The following PDE4D variants were observed in gnomAD, a reference collection of about 807,000 sequenced individuals.
The protein encoded by PDE4D is phosphodiesterase 4D.
A neutral mutation model predicts 87.4 loss-of-function variants in PDE4D; 24 were observed. The ratio of observed to expected loss-of-function variants is 0.27; its 90% confidence interval spans 0.20 to 0.39. PDE4D has a LOEUF of 0.39. Ranked by LOEUF, PDE4D falls within the 10% of genes least tolerant of loss-of-function variation. The probability of loss-of-function intolerance (pLI) is 1.00; values close to 1 mark genes in which losing one functional copy is unlikely to be tolerated. For missense variants in PDE4D, 714 were observed against 1,041.0 expected, an observed-to-expected ratio of 0.69 and a Z score of 4.32; for synonymous variants, 384 against 383.2, an observed-to-expected ratio of 1.00 and a Z score of -0.02.
chr5:60,460,593 A>G (rs1001127702), intron 1 of PDE4D: 87 of 1,284,334 alleles, frequency 6.8e-5, no homozygotes, highest in Non-Finnish European at 9.2e-5. Context: ...TTTGTACTTC[A>G]TCAATGCATT....
chr5:60,463,420 A>G (rs1289551894), intron 1 of PDE4D, among the ~76,000 whole-genome samples: 7 of 152,114 alleles, frequency 4.6e-5, no homozygotes, highest in Non-Finnish European at 1.0e-4. Flanking sequence ...AGCCAGTGCT[A>G]CTGTTCACCA....
At chr5:59,970,613 C>G (rs990565209) in intron 3 of PDE4D, among the ~76,000 whole-genome samples, 1 of 151,172 alleles carries the variant, frequency 6.6e-6, no homozygotes, top group African/African-American at 2.4e-5. Flanking sequence ...AAAATGCTCA[C>G]CATCACTGGC....
intron 5 of PDE4D, among the ~76,000 whole-genome samples, chr5:59,178,131 T>C (rs1453223355): frequency 6.6e-6 from 1 of 152,118 alleles, no homozygotes; most frequent in Non-Finnish European, 1.5e-5. Flanking sequence ...TTATTATTAC[T>C]AGCACTGAGG....
chr5:59,063,691 A>C (rs1763476144), intron 5 of PDE4D, among the ~76,000 whole-genome samples: 1 of 152,182 alleles, frequency 6.6e-6, no homozygotes, highest in East Asian at 1.9e-4. Context: ...AGTTGACCAA[A>C]GCATTCTAAC....
chr5:59,787,956 T>A (rs1765352399), intron 1 of PDE4D, among the ~76,000 whole-genome samples: 1 of 152,082 alleles, frequency 6.6e-6, no homozygotes, highest in Non-Finnish European at 1.5e-5. Context: ...ATATATTGAG[T>A]GACATATAAG....
intron 2 of PDE4D, among the ~76,000 whole-genome samples, chr5:60,039,864 A>G (rs1241824402): frequency 6.6e-6 from 1 of 152,058 alleles, no homozygotes; most frequent in Non-Finnish European, 1.5e-5. Context: ...TTGAAGAGCA[A>G]AAAATAAACA....
intron 1 of PDE4D, among the ~76,000 whole-genome samples, chr5:59,852,696 C>T (rs796528822): frequency 6.6e-5 from 10 of 152,100 alleles, no homozygotes; most frequent in African/African-American, 2.4e-4. Flanking sequence ...TTGTTTTAAG[C>T]TGCTAAATTT....
intron 1 of PDE4D, among the ~76,000 whole-genome samples, chr5:59,224,426 C>A (rs999146790): frequency 6.6e-6 from 1 of 151,828 alleles, no homozygotes; most frequent in African/African-American, 2.4e-5. Context: ...AGTGACACTC[C>A]CAAGTAACAC....
At chr5:59,791,096 G>A (rs903861566) in intron 1 of PDE4D, among the ~76,000 whole-genome samples, 1 of 152,198 alleles carries the variant, frequency 6.6e-6, no homozygotes, top group Non-Finnish European at 1.5e-5. Context: ...CAGCATCACA[G>A]AAAAATCTGC....
intron 3 of PDE4D, chr5:59,987,797 T>C (rs542687670): frequency 1.2e-4 from 18 of 152,326 alleles, no homozygotes; most frequent in Admixed American, 3.9e-4. Flanking sequence ...TCTTTCACAA[T>C]TTTTAAACTG....
chr5:60,072,093 C>T (rs1221807840), intron 2 of PDE4D, among the ~76,000 whole-genome samples: 1 of 152,140 alleles, frequency 6.6e-6, no homozygotes, highest in African/African-American at 2.4e-5. Flanking sequence ...GAGGAATTGC[C>T]ACACTACTTT....
chr5:59,869,985 T>A (rs1052901913), intron 1 of PDE4D, among the ~76,000 whole-genome samples: 18 of 152,202 alleles, frequency 1.2e-4, no homozygotes, highest in Admixed American at 1.1e-3. Context: ...TAGCCTTGGC[T>A]TCTAATAAAA....
At chr5:59,318,932 T>TA (rs899021350) in intron 1 of PDE4D, among the ~76,000 whole-genome samples, 5 of 151,792 alleles carry the variant, frequency 3.3e-5, no homozygotes, top group South Asian at 2.1e-4. Flanking sequence ...TTTATCTTAA[T>TA]AAAAAAAAGA....
intron 3 of PDE4D, among the ~76,000 whole-genome samples, chr5:59,949,170 G>A (rs1044438450): frequency 2.0e-5 from 3 of 152,200 alleles, no homozygotes; most frequent in African/African-American, 4.8e-5. Flanking sequence ...GGTGGCTCAT[G>A]CCTGTAATCC....
At chr5:59,820,696 A>G (rs1166599544) in intron 1 of PDE4D, among the ~76,000 whole-genome samples, 1 of 152,244 alleles carries the variant, frequency 6.6e-6, no homozygotes, top group Non-Finnish European at 1.5e-5. Context: ...TTGCAAAAAA[A>G]TGAAAGAAAA....
intron 2 of PDE4D, among the ~76,000 whole-genome samples, chr5:60,127,427 G>C (rs1468003363): frequency 6.6e-6 from 1 of 152,132 alleles, no homozygotes; most frequent in Non-Finnish European, 1.5e-5. Flanking sequence ...GGCAAGAGCA[G>C]ATGCCAGGAA....
At chr5:60,496,460 A>G (rs1399742463) in intron 1 of PDE4D, among the ~76,000 whole-genome samples, 1 of 152,160 alleles carries the variant, frequency 6.6e-6, no homozygotes, top group African/African-American at 2.4e-5. Context: ...ACTGTTCCAC[A>G]TATTTGGAAC....
chr5:59,527,805 T>G (rs539713817), intron 1 of PDE4D, among the ~76,000 whole-genome samples: 9 of 152,228 alleles, frequency 5.9e-5, no homozygotes, highest in Non-Finnish European at 8.8e-5. Context: ...TGCAAGATAT[T>G]TGGCTAACAT....
At chr5:59,263,702 G>A (rs1480812986) in intron 1 of PDE4D, among the ~76,000 whole-genome samples, 1 of 151,948 alleles carries the variant, frequency 6.6e-6, no homozygotes, top group Non-Finnish European at 1.5e-5. Context: ...TTGCAAGGGG[G>A]TGAGGGAAAC....
Sources: gnomAD v4.1 joint callset for allele counts (sites outside exome capture counted in the v4.1 genomes callset) on GRCh38, gnomAD v4.1.1 for gene constraint, MANE v1.5 for transcripts, NCBI Gene and HGNC (gene_info 2026-07-23, HGNC 2026-07-21) for gene names.